Variants in DDI2 observed in about 807,000 individuals in gnomAD.
DDI2 encodes the protein DDI proteasomal shuttling factor 2.
Under a neutral mutation model 48.1 loss-of-function variants are expected in DDI2, and 5 were observed. The ratio of observed to expected loss-of-function variants is 0.10; its 90% CI spans 0.05 to 0.22. DDI2 has a LOEUF of 0.22. Ranked by LOEUF, DDI2 falls within the 10% of genes least tolerant of loss-of-function variation. The pLI is 1.00. For missense variants in DDI2, 285 were observed against 506.2 expected, an observed-to-expected ratio of 0.56 and a Z score of 4.19; for synonymous variants, 205 against 183.6, an observed-to-expected ratio of 1.12 and a Z score of -0.94.
rs1160351706 is a variant in DDI2 at position 15,660,666 on chromosome 1, C to G, written c.*876C>G. On this transcript the variant is annotated 3_prime_UTR_variant, in exon 10 of 10. Transcript: ENST00000480945. ...TAGTTACTTTGCTTAATTCAACAGG[C>G]AGGCAGAATGCCAATGTCAAGAACA... 1 of 1,614,082 alleles carries G rather than the reference C, an allele frequency of 6.2e-7. No homozygotes were observed. The highest frequency in any genetic ancestry group is 1.3e-5 in the African/African-American group (1 of 74,948).
chr1:15,641,721 A>G (rs771872043), intron 5 of DDI2, among the ~76,000 whole-genome samples: 4 of 151,230 alleles, frequency 2.6e-5, no homozygotes, highest in Non-Finnish European at 4.4e-5. Flanking sequence ...TTGGGAGGCC[A>G]AGGCAGGTGG....
chr1:15,656,297 C>A (rs2103480521), intron 8 of DDI2: 2 of 701,600 alleles, frequency 2.9e-6, no homozygotes, highest in East Asian at 1.2e-4. Flanking sequence ...TTTTTTTAAT[C>A]ACCTAATTCG....
intron 4 of DDI2, among the ~76,000 whole-genome samples, chr1:15,634,769 C>A (rs75348249): frequency 2.6e-5 from 4 of 151,750 alleles, no homozygotes; most frequent in Non-Finnish European, 5.9e-5. Context: ...TGAGCTCACG[C>A]AATCCACGCG....
intron 9 of DDI2, 27 bp from the exon 10 acceptor site, chr1:15,659,810 T>G: frequency 6.7e-7 from 1 of 1,487,358 alleles, no homozygotes; most frequent in Non-Finnish European, 8.9e-7. Flanking sequence ...TAATTAATCT[T>G]TTTCCTTTCC....
intron 8 of DDI2, among the ~76,000 whole-genome samples, chr1:15,652,487 T>G: frequency 9.4e-6 from 1 of 106,322 alleles, no homozygotes; most frequent in Admixed American, 1.1e-4. Flanking sequence ...AGGTCAGGAG[T>G]TTGAGACCAG....
chr1:15,633,367 T>G (rs1570972796), intron 3 of DDI2, 72 bp from the exon 4 acceptor site: 4 of 1,542,944 alleles, frequency 2.6e-6, no homozygotes, highest in African/African-American at 1.4e-5. Context: ...GATAAATTGT[T>G]TGGTGTGGAA....
Position 15,661,697 on chromosome 1 carries a change from C to CA in DDI2, c.*1913dup. 1 of 1,606,654 alleles carries CA rather than the reference C, an allele frequency of 6.2e-7. No individual in the cohort carries two copies. The highest frequency in any genetic ancestry group is 8.5e-7 in the Non-Finnish European group (1 of 1,177,026). On this transcript the variant is annotated 3_prime_UTR_variant, in exon 10 of 10. Transcript: ENST00000480945. ...GACCTTGCACTTCTTGTTTTGCTCG[C>CA]AAAAAACATCGTAGTTCCTACATGA...
At chr1:15,652,903 G>A (rs1640214571) in intron 8 of DDI2, among the ~76,000 whole-genome samples, 1 of 152,226 alleles carries the variant, frequency 6.6e-6, no homozygotes, top group South Asian at 2.1e-4. Flanking sequence ...TACTTGGGAG[G>A]CTGAGGCAGG....
At chr1:15,634,767 C>T (rs982220915) in intron 4 of DDI2, among the ~76,000 whole-genome samples, 2 of 151,822 alleles carry the variant, frequency 1.3e-5, no homozygotes, top group African/African-American at 2.4e-5. Flanking sequence ...CCTGAGCTCA[C>T]GCAATCCACG....
Position 15,660,033 on chromosome 1 carries a change from T to C in DDI2, c.*243T>C, listed in dbSNP as rs1640338621. 22 of 1,614,096 alleles carry C rather than the reference T, an allele frequency of 1.4e-5. No homozygotes were observed. Among genetic ancestry groups the C allele is most frequent in the Non-Finnish European group, 1.9e-5 (22 of 1,180,008 alleles). On this transcript the variant is annotated 3_prime_UTR_variant, in exon 10 of 10. Transcript: ENST00000480945. ...GCATTGAACCTAAAGCTGTGAAGGC[T>C]TTGAAGGCTTCAGCTGAATTCCAGC...
chr1:15,627,238 G>A (rs560069460), intron 2 of DDI2, among the ~76,000 whole-genome samples: 1 of 152,308 alleles, frequency 6.6e-6, no homozygotes, highest in Admixed American at 6.5e-5. Flanking sequence ...CATTTCACAT[G>A]ATCTCATAAC....
chr1:15,650,846 C>A (rs983557030), intron 7 of DDI2, among the ~76,000 whole-genome samples: 4 of 151,842 alleles, frequency 2.6e-5, no homozygotes, highest in African/African-American at 9.7e-5. Flanking sequence ...ACACAGCATT[C>A]TATTTATTTA....
At chr1:15,617,876 C>G in intron 1 of DDI2, 68 bp downstream of exon 1, 1 of 1,439,090 alleles carries the variant, frequency 6.9e-7, no homozygotes, top group Non-Finnish European at 9.2e-7. Flanking sequence ...CTCACTCCCT[C>G]CCTTTGCTAC....
At chr1:15,648,588 T>C (rs1439109382) in intron 6 of DDI2, among the ~76,000 whole-genome samples, 2 of 152,024 alleles carry the variant, frequency 1.3e-5, no homozygotes, top group African/African-American at 2.4e-5. Flanking sequence ...CTAGAAGATA[T>C]GAGTAGAAAC....
Position 15,649,757 on chromosome 1 carries a change from C to T in DDI2, c.927C>T (p.Ser309=). The T allele has an allele frequency of 6.2e-7, 1 of 1,613,578 alleles. No homozygotes were observed. Among genetic ancestry groups the T allele is most frequent in the African/African-American group, 1.3e-5 (1 of 74,996 alleles). ...VQIEGDFLPC[S]FSILEEQPMD... Reference sequence around the variant, plus strand: ...TTGAAGGAGATTTTTTGCCATGTTCCTTCTCTATACTTGAGGAACAGCCCA... The same window carrying T: ...TTGAAGGAGATTTTTTGCCATGTTCTTTCTCTATACTTGAGGAACAGCCCA... Residue 309 remains serine (S), a synonymous_variant, in exon 7 of 10, where the codon TCC becomes TCT. Coordinates refer to ENST00000480945, the MANE Select transcript of DDI2 (RefSeq NM_032341.5).
chr1:15,638,502 G>T, intron 5 of DDI2, 68 bp downstream of exon 5: 5 of 1,516,698 alleles, frequency 3.3e-6, no homozygotes, highest in Non-Finnish European at 4.5e-6. Flanking sequence ...GAGAAGGGGA[G>T]GCTCAAGCAT....
At position 15,643,517 on chromosome 1, in the gene DDI2, T is replaced by G; in HGVS notation, c.761-5T>G. 6.2e-7 allele frequency: 1 copy of G among 1,611,566 alleles called. No individual in the cohort carries two copies. Among genetic ancestry groups the G allele is most frequent in the Non-Finnish European group, 8.5e-7 (1 of 1,179,094 alleles). ...TTATTGTCTGATGTTTCTCTACTCC[T>G]CCAGGTGCCCAGATGACTATCATGA... On this transcript the variant is annotated splice_polypyrimidine_tract_variant and splice_region_variant and intron_variant, in intron 5 of 9. Transcript: ENST00000480945.
intron 2 of DDI2, among the ~76,000 whole-genome samples, chr1:15,627,895 C>A (rs1410181228): frequency 6.6e-6 from 1 of 152,090 alleles, no homozygotes; most frequent in African/African-American, 2.4e-5. Context: ...ACCGGCTCCA[C>A]CAGATCTGGA....
chr1:15,633,736 T>G, intron 4 of DDI2, 171 bp downstream of exon 4: 1 of 980,746 alleles, frequency 1.0e-6, no homozygotes, highest in South Asian at 1.3e-5. Context: ...TCTATGCATT[T>G]CGATTTGACA....
Sources: gnomAD v4.1 joint callset for allele counts (sites outside exome capture counted in the v4.1 genomes callset) on GRCh38, gnomAD v4.1.1 for gene constraint, MANE v1.5 for transcripts, NCBI Gene and HGNC (gene_info 2026-07-23, HGNC 2026-07-21) for gene names.